The following PCBP3 variants were observed in gnomAD, a reference collection of about 807,000 sequenced individuals.
The protein encoded by PCBP3 is poly(rC) binding protein 3.
A neutral mutation model predicts 52.7 loss-of-function variants in PCBP3; 25 were observed. The observed-to-expected ratio is 0.47, with a 90% confidence interval of 0.35 to 0.66. The LOEUF (loss-of-function observed/expected upper bound fraction) is 0.66. Among genes scored for constraint, PCBP3 ranks in the 30% least tolerant of loss-of-function variants. The pLI is 0.01. For synonymous variants in PCBP3, 162 were observed against 183.0 expected (o/e 0.89, Z 0.93); for missense variants, 391 against 490.3 (o/e 0.80, Z 1.91).
intron 11 of PCBP3, among the ~76,000 whole-genome samples, chr21:45,913,445 T>C (rs1233849153): frequency 6.6e-6 from 1 of 152,098 alleles, no homozygotes; most frequent in Non-Finnish European, 1.5e-5. Context: ...TTCAAGAGAA[T>C]TGCTCCAAGG....
At chr21:45,869,523 G>A (rs904907424) in intron 5 of PCBP3, among the ~76,000 whole-genome samples, 4 of 152,204 alleles carry the variant, frequency 2.6e-5, no homozygotes, top group Non-Finnish European at 5.9e-5. Context: ...CTGTGCAGGT[G>A]AGGCTTGGGG....
chr21:45,854,478 T>C (rs2094189240), intron 5 of PCBP3, among the ~76,000 whole-genome samples: 1 of 152,184 alleles, frequency 6.6e-6, no homozygotes, highest in Non-Finnish European at 1.5e-5. Flanking sequence ...ATCTGACTGC[T>C]CTAGGGACCG....
At chr21:45,935,818 C>A (rs1022925188) in intron 16 of PCBP3, among the ~76,000 whole-genome samples, 70 of 152,254 alleles carry the variant, frequency 4.6e-4, no homozygotes, top group African/African-American at 1.6e-3. Flanking sequence ...CTTCAGCATA[C>A]CTGAGGGTGT....
At chr21:45,793,321 A>G (rs776004272) in intron 4 of PCBP3, among the ~76,000 whole-genome samples, 18 of 152,066 alleles carry the variant, frequency 1.2e-4, no homozygotes, top group Non-Finnish European at 2.5e-4. Context: ...CTGTTACCGC[A>G]CTCAGACGTC....
At chr21:45,838,901 C>T (rs1253525477) in intron 4 of PCBP3, among the ~76,000 whole-genome samples, 1 of 152,106 alleles carries the variant, frequency 6.6e-6, no homozygotes, top group Non-Finnish European at 1.5e-5. Flanking sequence ...TTACATGATT[C>T]TAAAGTCAAA....
At chr21:45,659,081 CT>C (rs1403502965) in intron 1 of PCBP3, among the ~76,000 whole-genome samples, 3 of 139,272 alleles carry the variant, frequency 2.2e-5, no homozygotes, top group African/African-American at 8.1e-5. Flanking sequence ...TTTCATTGGT[CT>C]TTTTTTAAAA....
intron 2 of PCBP3, among the ~76,000 whole-genome samples, chr21:45,677,133 C>G (rs576355213): frequency 7.6e-4 from 115 of 152,314 alleles, no homozygotes; most frequent in African/African-American, 2.6e-3. Flanking sequence ...AAATCCCAGA[C>G]AGGCCGAAAG....
chr21:45,816,448 C>T (rs1181678592), intron 4 of PCBP3, among the ~76,000 whole-genome samples: 2 of 94,482 alleles, frequency 2.1e-5, no homozygotes, highest in African/African-American at 4.2e-5. Context: ...TCCCCCTCCC[C>T]GTCCCCTGCC....
rs139432317 is a variant in PCBP3, at chr21:45,720,925, A to G, written c.-199-14467A>G. ...ACAAGAATATTACTTATTCTCTCCA[A>G]TGCCAGGATGGCCATAGCTTGGCTG... is the stretch of plus-strand genomic sequence containing the variant. On this transcript the variant is annotated intron_variant, in intron 2 of 17. Transcript: ENST00000681687. Among the ~76,000 whole-genome samples, 201 of 152,334 alleles carry G rather than the reference A, an allele frequency of 1.3e-3. 2 individuals carry two copies. The highest frequency in any genetic ancestry group is 4.4e-3 in the African/African-American group (181 of 41,578).
intron 4 of PCBP3, among the ~76,000 whole-genome samples, chr21:45,818,864 G>A (rs753273351): frequency 5.3e-5 from 8 of 152,210 alleles, no homozygotes; most frequent in African/African-American, 1.7e-4. Flanking sequence ...GAAGTGATGC[G>A]GAGGAACCTT....
At chr21:45,855,410 G>A (rs533007522) in intron 5 of PCBP3, among the ~76,000 whole-genome samples, 61 of 152,176 alleles carry the variant, frequency 4.0e-4, no homozygotes, top group African/African-American at 1.4e-3. Flanking sequence ...CTTGAGAACC[G>A]CACCATGGGG....
At chr21:45,689,203 A>G (rs1355275741) in intron 2 of PCBP3, among the ~76,000 whole-genome samples, 2 of 152,136 alleles carry the variant, frequency 1.3e-5, no homozygotes, top group African/African-American at 4.8e-5. Flanking sequence ...GATGACAAGT[A>G]TCAGCAAATC....
intron 4 of PCBP3, among the ~76,000 whole-genome samples, chr21:45,776,426 T>C (rs2090258918): frequency 1.3e-5 from 2 of 151,906 alleles, no homozygotes; most frequent in Non-Finnish European, 2.9e-5. Context: ...GTTTTTGTAC[T>C]TGAGTCTCTC....
At chr21:45,929,751 T>C (rs1053701986) in intron 13 of PCBP3, among the ~76,000 whole-genome samples, 166 bp from the exon 14 acceptor site, 7 of 152,252 alleles carry the variant, frequency 4.6e-5, no homozygotes, top group Admixed American at 2.0e-4. Context: ...CTGGACTCCA[T>C]TGGCTTCCCC....
At chr21:45,702,715 G>A (rs1272488687) in intron 2 of PCBP3, among the ~76,000 whole-genome samples, 1 of 152,180 alleles carries the variant, frequency 6.6e-6, no homozygotes, top group African/African-American at 2.4e-5. Flanking sequence ...GAAGGCTGGG[G>A]TGGCTATGGC....
intron 4 of PCBP3, among the ~76,000 whole-genome samples, chr21:45,838,457 A>G (rs2093635816): frequency 6.6e-6 from 1 of 152,202 alleles, no homozygotes; most frequent in South Asian, 2.1e-4. Flanking sequence ...CAGCGTGAGT[A>G]TTAGGAGTGC....
intron 4 of PCBP3, among the ~76,000 whole-genome samples, chr21:45,842,930 C>A (rs2093728667): frequency 6.6e-6 from 1 of 152,230 alleles, no homozygotes; most frequent in African/African-American, 2.4e-5. Flanking sequence ...TTCCTCCTTT[C>A]CCATCCCTTT....
intron 1 of PCBP3, among the ~76,000 whole-genome samples, chr21:45,649,955 G>A (rs905444103): frequency 7.3e-5 from 11 of 151,702 alleles, no homozygotes; most frequent in Admixed American, 1.3e-4. Context: ...TTTAAAAATC[G>A]TGATTGAGAT....
At position 45,941,730 on chromosome 21, in the gene PCBP3, C is replaced by T. The variant is rs780795231; in HGVS notation, c.*24C>T. ...AATCCTACCCAGCACCCTTCCCCCG[C>T]GTCACCCACCTGCCAGAGCCTAAGG... On this transcript the variant is annotated 3_prime_UTR_variant, in exon 18 of 18. Coordinates refer to ENST00000681687, the MANE Select transcript of PCBP3 (RefSeq NM_001384156.1). 5.0e-6 allele frequency: 8 copies of T among 1,592,212 alleles called. No individual in the cohort carries two copies. The highest frequency in any genetic ancestry group is 1.1e-5 in the South Asian group (1 of 87,756).
Sources: gnomAD v4.1 joint callset for allele counts (sites outside exome capture counted in the v4.1 genomes callset) on GRCh38, gnomAD v4.1.1 for gene constraint, MANE v1.5 for transcripts, NCBI Gene and HGNC (gene_info 2026-07-23, HGNC 2026-07-21) for gene names.